Variants in KIAA1217 observed in about 807,000 individuals in gnomAD.
KIAA1217 encodes the protein sickle tail protein homolog.
Under a neutral mutation model 163.9 loss-of-function variants are expected in KIAA1217, and 88 were observed. That is an observed-to-expected ratio of 0.54 (90% CI 0.45 to 0.64). The LOEUF (loss-of-function observed/expected upper bound fraction) is 0.64, where lower values mean the gene tolerates loss of function less well. KIAA1217 is among the 30% of genes least tolerant of loss of function. The pLI is 0.00. For synonymous variants in KIAA1217, 903 were observed against 923.1 expected (o/e 0.98, Z 0.39); for missense variants, 2,372 against 2,475.0 (o/e 0.96, Z 0.88).
chr10:24,542,789 G>T lies in KIAA1217; in HGVS notation c.3612+19G>T, dbSNP rs370573889. On this transcript the variant is annotated intron_variant, in intron 18 of 20. Transcript: ENST00000376454. ...CCAAAAGGTGAGTTCACCAGATCTGGGTTCCGACCAATACCATGCACATTA... is the reference window on the plus strand; with the variant it reads ...CCAAAAGGTGAGTTCACCAGATCTGTGTTCCGACCAATACCATGCACATTA... 6.2e-7 allele frequency: 1 copy of T among 1,613,068 alleles called. No individual in the cohort carries two copies. The highest frequency in any genetic ancestry group is 8.5e-7 in the Non-Finnish European group (1 of 1,179,222).
intron 2 of KIAA1217, among the ~76,000 whole-genome samples, chr10:24,122,914 A>G (rs548148011): frequency 1.3e-5 from 2 of 151,886 alleles, no homozygotes; most frequent in African/African-American, 4.8e-5. Flanking sequence ...AAAACATAAT[A>G]TAAAATAGTA....
chr10:23,942,774 T>C (rs910246837), intron 1 of KIAA1217, among the ~76,000 whole-genome samples: 2 of 152,204 alleles, frequency 1.3e-5, no homozygotes, highest in South Asian at 2.1e-4. Context: ...TGACTTCTAT[T>C]CAACACAGTA....
rs1491583326 is a variant in KIAA1217, at chr10:23,790,319, G to GCATATA, written c.-321+95087_-321+95088insTATACA. 1.7e-4 allele frequency among the ~76,000 whole-genome samples: 2 copies of GCATATA among 11,924 alleles called. 1 individual carries two copies. The highest frequency in any genetic ancestry group is 4.4e-4 in the Non-Finnish European group (2 of 4,566). The allele number at this position is 11,924 out of a possible 152,430, so 7.8% of individuals were successfully genotyped here. ...TATGCACATATGCATATATACATAT[G>GCATATA]CACATATGCATATATGCATATATAC... On this transcript the variant is annotated intron_variant, in intron 1 of 18. Coordinates refer to the KIAA1217 transcript ENST00000376462.
intron 1 of KIAA1217, among the ~76,000 whole-genome samples, chr10:23,824,455 C>T (rs1331759909): frequency 6.7e-6 from 1 of 149,154 alleles, no homozygotes; most frequent in Non-Finnish European, 1.5e-5. Context: ...TGGTGAAACC[C>T]CGTCTCTACT....
At chr10:24,076,193 A>C (rs1218217769) in intron 2 of KIAA1217, among the ~76,000 whole-genome samples, 2 of 152,144 alleles carry the variant, frequency 1.3e-5, no homozygotes, top group African/African-American at 2.4e-5. Context: ...CATGAGTCAC[A>C]CCAGGCCATG....
chr10:24,084,003 C>T (rs1056743104), intron 2 of KIAA1217, among the ~76,000 whole-genome samples: 4 of 152,186 alleles, frequency 2.6e-5, no homozygotes, highest in African/African-American at 9.6e-5. Flanking sequence ...GAAAATATTA[C>T]AGAGAGTTGT....
intron 1 of KIAA1217, among the ~76,000 whole-genome samples, chr10:23,977,182 T>G (rs1845576962): frequency 6.6e-6 from 1 of 152,212 alleles, no homozygotes; most frequent in African/African-American, 2.4e-5. Context: ...AATTTTGATT[T>G]GGTTGTAAGA....
In KIAA1217 at chr10:24,160,263, C is replaced by CA. The variant is rs796838668; in HGVS notation, c.-170-59354dup. Among the ~76,000 whole-genome samples, 1,427 of 149,534 alleles carry CA rather than the reference C, an allele frequency of 9.5e-3. 14 individuals carry two copies. Among genetic ancestry groups the CA allele is most frequent in the African/African-American group, 0.03 (1,226 of 40,818 alleles). On this transcript the variant is annotated intron_variant, in intron 2 of 18. Coordinates refer to the KIAA1217 transcript ENST00000376462. Reference sequence around the variant, plus strand: ...TTTAATAATATCTTGTCAATTTCTACAAAAAAAAAGCCTTCTGGAATGTTT... The same window carrying CA: ...TTTAATAATATCTTGTCAATTTCTACAAAAAAAAAAGCCTTCTGGAATGTTT...
At chr10:24,283,829 T>C (rs1047668363) in intron 2 of KIAA1217, among the ~76,000 whole-genome samples, 4 of 152,218 alleles carry the variant, frequency 2.6e-5, no homozygotes, top group Non-Finnish European at 1.5e-5. Context: ...TAGTAGTGTG[T>C]AGTAGTATCA....
chr10:23,960,921 C>A (rs1483295555), intron 1 of KIAA1217, among the ~76,000 whole-genome samples: 2 of 152,092 alleles, frequency 1.3e-5, no homozygotes, highest in Admixed American at 6.5e-5. Context: ...ATATTGCTAG[C>A]CTTCAGATAT....
intron 1 of KIAA1217, among the ~76,000 whole-genome samples, chr10:23,708,626 C>T (rs1030900485): frequency 3.3e-5 from 5 of 152,092 alleles, no homozygotes; most frequent in South Asian, 2.1e-4. Context: ...GCAGTCCTTG[C>T]GGAAGGCCAC....
intron 5 of KIAA1217, chr10:24,466,580 T>C: frequency 2.0e-6 from 2 of 985,418 alleles, no homozygotes; most frequent in Non-Finnish European, 2.4e-6. Flanking sequence ...AAATGGTCTT[T>C]ATTGGTTGTG....
At chr10:24,062,661 G>C (rs2060775894) in intron 2 of KIAA1217, among the ~76,000 whole-genome samples, 2 of 151,890 alleles carry the variant, frequency 1.3e-5, no homozygotes, top group Admixed American at 1.3e-4. Flanking sequence ...CCCAGTAATG[G>C]GATGGCTGGG....
At chr10:23,872,448 T>C (rs958824313) in intron 1 of KIAA1217, among the ~76,000 whole-genome samples, 7 of 152,078 alleles carry the variant, frequency 4.6e-5, no homozygotes, top group African/African-American at 1.4e-4. Context: ...GCTGTTTGCA[T>C]CTTGAGGACC....
At chr10:24,316,309 T>C (rs2043361988) in intron 2 of KIAA1217, among the ~76,000 whole-genome samples, 1 of 152,188 alleles carries the variant, frequency 6.6e-6, no homozygotes, top group South Asian at 2.1e-4. Context: ...GATGGTGTTA[T>C]CTAACTGTCC....
chr10:24,475,258 T>C (rs2063885647), intron 6 of KIAA1217, among the ~76,000 whole-genome samples: 1 of 152,182 alleles, frequency 6.6e-6, no homozygotes. Flanking sequence ...GATATTCAGT[T>C]ATTCAATACC....
At chr10:24,472,431 T>A (rs2063622859) in intron 5 of KIAA1217, among the ~76,000 whole-genome samples, 1 of 152,176 alleles carries the variant, frequency 6.6e-6, no homozygotes, top group South Asian at 2.1e-4. Context: ...CCCCTGCTCA[T>A]CTCCCTAGAT....
At chr10:24,239,425 C>G (rs1013812611) in intron 2 of KIAA1217, 1 of 441,458 alleles carries the variant, frequency 2.3e-6, no homozygotes, top group Non-Finnish European at 3.0e-6. Flanking sequence ...GTTCTCTTGG[C>G]AGGAAGAAGT....
chr10:24,163,716 A>C (rs1440893247), intron 2 of KIAA1217, among the ~76,000 whole-genome samples: 1 of 152,230 alleles, frequency 6.6e-6, no homozygotes. Context: ...TAGGCTTGGA[A>C]AGCCTTCCAG....
Sources: allele counts gnomAD v4.1 joint callset (sites outside exome capture counted in the v4.1 genomes callset), GRCh38; gene constraint gnomAD v4.1.1; transcripts MANE v1.5; gene names NCBI Gene and HGNC (gene_info 2026-07-23, HGNC 2026-07-21).